VPS13A: variants seen among roughly 807,000 people sequenced by gnomAD.
The protein encoded by VPS13A is intermembrane lipid transfer protein VPS13A.
Under a neutral mutation model 390.9 loss-of-function variants are expected in VPS13A, and 264 were observed. The ratio of observed to expected loss-of-function variants is 0.68; its 90% CI spans 0.61 to 0.75. The LOEUF (loss-of-function observed/expected upper bound fraction) is 0.75. Among genes scored for constraint, VPS13A ranks in the 30% least tolerant of loss-of-function variants. The probability of loss-of-function intolerance (pLI) is 0.00; values close to 1 mark genes in which losing one functional copy is unlikely to be tolerated. For synonymous variants in VPS13A, 1,231 were observed against 1,227.1 expected (o/e 1.00, Z -0.07); for missense variants, 3,409 against 3,733.9 (o/e 0.91, Z 2.27).
chr9:77,317,516 AT>A, intron 39 of VPS13A, 89 bp from the exon 40 acceptor site: 1 of 960,792 alleles, frequency 1.0e-6, no homozygotes, highest in Non-Finnish European at 1.6e-6. Context: ...TAACTTGTTT[AT>A]TTGACATACC....
chr9:77,413,041 A>G (rs545690977), intron 71 of VPS13A, among the ~76,000 whole-genome samples: 2 of 152,358 alleles, frequency 1.3e-5, no homozygotes, highest in Non-Finnish European at 2.9e-5. Context: ...CTTACAAGGG[A>G]TGTGAAGGAC....
intron 35 of VPS13A, among the ~76,000 whole-genome samples, chr9:77,310,347 A>G (rs7044742): frequency 0.61 from 93,006 of 152,032 alleles, 29,142 homozygotes; most frequent in African/African-American, 0.74. Flanking sequence ...AAAAAGCCAT[A>G]TGGAAGAATG....
Position 77,178,068 on chromosome 9 carries a change from G to A in VPS13A, c.100+264G>A, listed in dbSNP as rs538257977. 203 of 405,514 alleles carry A rather than the reference G, an allele frequency of 5.0e-4. 3 individuals are homozygous for A. The highest frequency in any genetic ancestry group is 4.3e-3 in the South Asian group (195 of 45,822). 25.1% of individuals were successfully genotyped at this position (405,514 alleles called of 1,614,324 possible). A position where few individuals can be genotyped will look rare whatever the true frequency, so the allele number is the denominator to read the frequency against. On this transcript the variant is annotated intron_variant, in intron 1 of 71. Coordinates refer to ENST00000360280, the MANE Select transcript of VPS13A (RefSeq NM_033305.3). The stretch of plus-strand genomic sequence containing the variant: ...TATATTTTCCGAGCGGAGCGGACTT[G>A]CCGTGGGCTCCGTGGGTCTGGCGTT...
chr9:77,383,304 A>G (rs1048671884), intron 68 of VPS13A, among the ~76,000 whole-genome samples: 3 of 152,108 alleles, frequency 2.0e-5, no homozygotes, highest in African/African-American at 7.2e-5. Context: ...CATCAAAATC[A>G]TTGTATATTG....
rs143485560 is a variant in VPS13A, at chr9:77,420,999, A to G, written c.*4993A>G. The G allele has an allele frequency of 6.6e-6, 1 of 152,336 alleles. No individual in the cohort carries two copies. Among genetic ancestry groups the G allele is most frequent in the East Asian group, 1.9e-4 (1 of 5,188 alleles). The allele number at this position is 152,336 out of a possible 1,614,324, so 9.4% of individuals were successfully genotyped here. ...TATCTGGAACTTGTTACAAGGTCAG[A>G]TAAACTGTTACAGAATTTTAGAAAT... is the stretch of plus-strand genomic sequence containing the variant. On this transcript the variant is annotated 3_prime_UTR_variant, in exon 72 of 72. Coordinates refer to ENST00000360280, the MANE Select transcript of VPS13A (RefSeq NM_033305.3).
intron 71 of VPS13A, among the ~76,000 whole-genome samples, chr9:77,410,695 G>C (rs1480264794): frequency 4.6e-5 from 7 of 152,116 alleles, no homozygotes; most frequent in South Asian, 2.1e-4. Flanking sequence ...AAGAGACAAA[G>C]AAGGCCATTA....
At chr9:77,254,075 C>G (rs887971859) in intron 22 of VPS13A, among the ~76,000 whole-genome samples, 1 of 151,012 alleles carries the variant, frequency 6.6e-6, no homozygotes, top group African/African-American at 2.4e-5. Context: ...TCCCGAGTAG[C>G]TGGGACTACA....
intron 1 of VPS13A, among the ~76,000 whole-genome samples, chr9:77,188,081 G>A (rs1824452165): frequency 6.6e-6 from 1 of 152,160 alleles, no homozygotes; most frequent in South Asian, 2.1e-4. Context: ...ATCTGGTTAA[G>A]TGTGTGGCAC....
intron 50 of VPS13A, among the ~76,000 whole-genome samples, chr9:77,343,865 CCTTCT>C (rs1830981742): frequency 6.6e-6 from 1 of 152,092 alleles, no homozygotes; most frequent in Non-Finnish European, 1.5e-5. Flanking sequence ...ATTTTTCAAC[CCTTCT>C]CTGTAAGATC....
In VPS13A at chr9:77,315,974, G is replaced by A. The variant is rs919520611; in HGVS notation, c.4631-200G>A. On this transcript the variant is annotated intron_variant, in intron 38 of 71. Transcript: ENST00000360280. ...AGTTTCTAGGCTTTCCAATTAAATA[G>A]TGGAGATTTCCCCTCATTTAAAAAT... Among the ~76,000 whole-genome samples the A allele has an allele frequency of 6.6e-5, 10 of 151,892 alleles. No individual in the cohort carries two copies. The South Asian group carries it at 1.7e-3, about 25-fold the overall frequency.
intron 68 of VPS13A, among the ~76,000 whole-genome samples, chr9:77,399,199 A>C (rs1563990911): frequency 9.1e-6 from 1 of 110,286 alleles, no homozygotes; most frequent in African/African-American, 3.5e-5. Context: ...AAAAAAAAAA[A>C]AAAAAACAAA....
chr9:77,369,696 C>A (rs1832640566), intron 63 of VPS13A, among the ~76,000 whole-genome samples: 1 of 152,156 alleles, frequency 6.6e-6, no homozygotes, highest in Non-Finnish European at 1.5e-5. Context: ...TCTTGCTTTG[C>A]ACAGTAGTGT....
intron 55 of VPS13A, 62 bp downstream of exon 55, chr9:77,356,929 A>ACC: frequency 6.3e-7 from 1 of 1,582,154 alleles, no homozygotes; most frequent in Non-Finnish European, 8.6e-7. Flanking sequence ...TTGGTGAATC[A>ACC]CTAGTGAAAT....
chr9:77,398,774 T>G (rs1396630143), intron 68 of VPS13A, among the ~76,000 whole-genome samples: 1 of 152,158 alleles, frequency 6.6e-6, no homozygotes, highest in African/African-American at 2.4e-5. Flanking sequence ...ATGAGTTATC[T>G]TTGACGCTTT....
Position 77,286,745 on chromosome 9 carries a change from A to T in VPS13A, c.3339+3095A>T, listed in dbSNP as rs192303302. Among the ~76,000 whole-genome samples the T allele has an allele frequency of 6.6e-5, 10 of 152,222 alleles. No homozygotes were observed. The East Asian group carries it at 1.5e-3, about 24-fold the overall frequency. ...GGTCAGGAACTGGTCTAGCAATTTT[A>T]TGGGTTCTCAGATTGAGAGTATCTC... On this transcript the variant is annotated intron_variant, in intron 31 of 71. Coordinates refer to ENST00000360280, the MANE Select transcript of VPS13A (RefSeq NM_033305.3).
chr9:77,298,119 G>A (rs1828121915), intron 33 of VPS13A, among the ~76,000 whole-genome samples: 1 of 152,158 alleles, frequency 6.6e-6, no homozygotes, highest in Non-Finnish European at 1.5e-5. Context: ...GAAAAACCCA[G>A]TAGAATAGAG....
chr9:77,193,069 G>GTTGA (rs763156285), intron 1 of VPS13A, among the ~76,000 whole-genome samples: 5 of 151,966 alleles, frequency 3.3e-5, no homozygotes, highest in Middle Eastern at 3.4e-3. Context: ...TTTTGTCTGA[G>GTTGA]TTGATACTGA....
At chr9:77,396,338 A>G (rs1255128190) in intron 68 of VPS13A, among the ~76,000 whole-genome samples, 1 of 151,916 alleles carries the variant, frequency 6.6e-6, no homozygotes, top group African/African-American at 2.4e-5. Context: ...AGTATAGCCT[A>G]TACCTATGGT....
chr9:77,275,965 T>A, intron 25 of VPS13A, 100 bp from the exon 26 acceptor site: 1 of 1,219,384 alleles, frequency 8.2e-7, no homozygotes, highest in Non-Finnish European at 1.2e-6. Context: ...TAATAATATA[T>A]CAATTGTATG....
Sources: allele counts gnomAD v4.1 joint callset (sites outside exome capture counted in the v4.1 genomes callset), GRCh38; gene constraint gnomAD v4.1.1; transcripts MANE v1.5; gene names NCBI Gene and HGNC (gene_info 2026-07-23, HGNC 2026-07-21).